RBFOX3: variants seen among roughly 807,000 people sequenced by gnomAD.
The protein encoded by RBFOX3 is RNA binding protein fox-1 homolog 3.
RBFOX3 carries 17 observed loss-of-function variants against 48.7 expected under a neutral mutation model. The observed-to-expected ratio is 0.35, with a 90% CI of 0.24 to 0.52. The LOEUF (loss-of-function observed/expected upper bound fraction) is 0.52. Ranked by LOEUF, RBFOX3 falls within the 20% of genes least tolerant of loss-of-function variation. The pLI, the probability that RBFOX3 is intolerant of heterozygous loss-of-function variation, is 0.94. For missense variants in RBFOX3, 382 were observed against 497.5 expected (o/e 0.77, Z 2.21); for synonymous variants, 212 against 209.5 (o/e 1.01, Z -0.10).
chr17:79,416,057 G>T (rs1366315279), intron 2 of RBFOX3, among the ~76,000 whole-genome samples: 1 of 152,148 alleles, frequency 6.6e-6, no homozygotes, highest in African/African-American at 2.4e-5. Context: ...TCTTCCTCTC[G>T]CCTGCACTCC....
intron 1 of RBFOX3, among the ~76,000 whole-genome samples, chr17:79,602,665 T>C (rs2093732006): frequency 7.4e-6 from 1 of 135,404 alleles, no homozygotes; most frequent in East Asian, 1.9e-4. Context: ...ACACACTTTG[T>C]TTTTTTTTTC....
chr17:79,488,119 C>A (rs2079933997), intron 1 of RBFOX3, among the ~76,000 whole-genome samples: 1 of 152,092 alleles, frequency 6.6e-6, no homozygotes, highest in Non-Finnish European at 1.5e-5. Context: ...CACTCACAGC[C>A]TCCTGTGCAG....
At chr17:79,591,618 A>T (rs2093417539) in intron 1 of RBFOX3, among the ~76,000 whole-genome samples, 1 of 152,166 alleles carries the variant, frequency 6.6e-6, no homozygotes, top group African/African-American at 2.4e-5. Flanking sequence ...CCCCTCTGGA[A>T]TTCAGCCCCA....
At chr17:79,328,976 T>A (rs1380086473) in intron 2 of RBFOX3, among the ~76,000 whole-genome samples, 1 of 151,936 alleles carries the variant, frequency 6.6e-6, no homozygotes, top group Non-Finnish European at 1.5e-5. Flanking sequence ...AATCAGCAGG[T>A]GCCCCAGGTA....
At chr17:79,169,873 T>C (rs1184972286) in intron 4 of RBFOX3, among the ~76,000 whole-genome samples, 1 of 150,660 alleles carries the variant, frequency 6.6e-6, no homozygotes. Context: ...TTACGATACG[T>C]AAAGCCCACA....
rs1016399715 is a variant in RBFOX3 at position 79,574,113 on chromosome 17, C to A, written c.-320+36713G>T. Among the ~76,000 whole-genome samples, 129 of 152,258 alleles carry A rather than the reference C, an allele frequency of 8.5e-4. 4 individuals are homozygous for A. In the South Asian group the frequency reaches 0.019, roughly 23 times the overall value. On this transcript the variant is annotated intron_variant, in intron 1 of 14. Transcript: ENST00000693108. ...TGAGGGGTTGTTTAAAAAGTCCTCA[C>A]GGAGAAGTTACAGAAGGTGGATCTT...
intron 1 of RBFOX3, among the ~76,000 whole-genome samples, chr17:79,497,993 A>G (rs939944071): frequency 1.1e-4 from 17 of 152,350 alleles, no homozygotes; most frequent in African/African-American, 3.6e-4. Context: ...CCAGAAGGTT[A>G]TGGTGGGAAC....
At chr17:79,419,007 G>A (rs1339392597) in intron 2 of RBFOX3, among the ~76,000 whole-genome samples, 2 of 152,132 alleles carry the variant, frequency 1.3e-5, no homozygotes, top group African/African-American at 4.8e-5. Flanking sequence ...TGGTGTCAAG[G>A]GACCGTATCG....
intron 2 of RBFOX3, among the ~76,000 whole-genome samples, chr17:79,401,897 A>G (rs2062858964): frequency 6.6e-6 from 1 of 152,190 alleles, no homozygotes; most frequent in Non-Finnish European, 1.5e-5. Context: ...GAGCTGTGAG[A>G]GCATAAATGC....
intron 4 of RBFOX3, among the ~76,000 whole-genome samples, chr17:79,189,983 T>C (rs1442428255): frequency 6.6e-6 from 1 of 152,208 alleles, no homozygotes; most frequent in African/African-American, 2.4e-5. Context: ...AAAACCCATA[T>C]CACTCGCTGC....
Position 79,199,781 on chromosome 17 carries a change from C to A in RBFOX3, c.-34+35985G>T, listed in dbSNP as rs1173040058. ...TTCTGAAGCACGCTGAACAAACCCACCCTGATGCTCCAGTCTGTCAGGAGA... is the reference window on the plus strand; with the variant it reads ...TTCTGAAGCACGCTGAACAAACCCAACCTGATGCTCCAGTCTGTCAGGAGA... On this transcript the variant is annotated intron_variant, in intron 4 of 14. Transcript: ENST00000693108. The surrounding 1 kb of genome is among the most constrained non-coding windows in gnomAD (Gnocchi z 5.1). 3.9e-5 allele frequency among the ~76,000 whole-genome samples: 6 copies of A among 152,302 alleles called. No homozygotes were observed. Among genetic ancestry groups the A allele is most frequent in the African/African-American group, 1.4e-4 (6 of 41,574 alleles).
intron 4 of RBFOX3, among the ~76,000 whole-genome samples, chr17:79,137,263 G>A (rs1353251874): frequency 1.4e-5 from 2 of 143,898 alleles, no homozygotes; most frequent in Non-Finnish European, 3.1e-5. Context: ...ACACAGCCCT[G>A]TTCATGCACA....
At chr17:79,389,438 T>C (rs574211295) in intron 2 of RBFOX3, among the ~76,000 whole-genome samples, 1 of 152,332 alleles carries the variant, frequency 6.6e-6, no homozygotes, top group Non-Finnish European at 1.5e-5. Flanking sequence ...TTTCAGGAAC[T>C]CTACAAGCCA....
At position 79,089,869 on chromosome 17, in the gene RBFOX3, C is replaced by G. The variant is rs1420957916; in HGVS notation, c.*1014G>C. ...AGGGGCCGGCCCAGGCTTCCCCATC[C>G]CTTGCCCTTCCCATGGGCCCCTGCT... On this transcript the variant is annotated 3_prime_UTR_variant, in exon 15 of 15. Transcript: ENST00000693108. 6.6e-6 allele frequency: 1 copy of G among 152,450 alleles called. No individual in the cohort carries two copies. Among genetic ancestry groups the G allele is most frequent in the African/African-American group, 2.4e-5 (1 of 41,444 alleles). The allele number at this position is 152,450 out of a possible 1,614,324, so 9.4% of individuals were successfully genotyped here.
intron 4 of RBFOX3, among the ~76,000 whole-genome samples, chr17:79,149,658 G>A (rs1265965586): frequency 6.6e-6 from 1 of 151,994 alleles, no homozygotes; most frequent in Non-Finnish European, 1.5e-5. Context: ...GAAGGTTGGG[G>A]GTGGCCTAGG....
intron 1 of RBFOX3, among the ~76,000 whole-genome samples, chr17:79,489,543 C>T (rs2080179290): frequency 6.6e-6 from 1 of 152,324 alleles, no homozygotes. Flanking sequence ...GATCCACCCA[C>T]CTTGGCCTCC....
intron 1 of RBFOX3, among the ~76,000 whole-genome samples, chr17:79,489,238 GT>G (rs1420367043): frequency 3.0e-5 from 1 of 33,624 alleles, no homozygotes; most frequent in Non-Finnish European, 5.8e-5. Flanking sequence ...CTGCCAGAAA[GT>G]TAAAAAAAAA....
rs566981604 is a variant in RBFOX3, at chr17:79,411,917, G to C, written c.-175+70537C>G. Among the ~76,000 whole-genome samples, 11 of 152,276 alleles carry C rather than the reference G, an allele frequency of 7.2e-5. No individual in the cohort carries two copies. The East Asian group carries it at 1.2e-3, about 16-fold the overall frequency. ...CACGTGTTGTGTATATGTATGTGTG[G>C]TGTATGCGAGTGTGTAGTATGTGTG... On this transcript the variant is annotated intron_variant, in intron 2 of 14. Transcript: ENST00000693108.
rs372777655 is a variant in RBFOX3, at chr17:79,482,219, G to A, written c.-175+235C>T. ...CCCCGCAGCCAGGCTGATGGGCTTC[G>A]AGGTACAAAGAGCGGTCACTCCTTA... On this transcript the variant is annotated intron_variant, in intron 2 of 14. Coordinates refer to ENST00000693108, the MANE Select transcript of RBFOX3 (RefSeq NM_001350451.2). The surrounding 1 kb of genome is among the most constrained non-coding windows in gnomAD (Gnocchi z 4.1). 5.0e-4 allele frequency among the ~76,000 whole-genome samples: 76 copies of A among 151,986 alleles called. 1 individual carries two copies. In the East Asian group the frequency reaches 0.013, roughly 26 times the overall value.
Sources: gnomAD v4.1 joint callset for allele counts (sites outside exome capture counted in the v4.1 genomes callset) on GRCh38, gnomAD v4.1.1 for gene constraint, Gnocchi (gnomAD v3.1) non-coding constraint, MANE v1.5 for transcripts, NCBI Gene and HGNC (gene_info 2026-07-23, HGNC 2026-07-21) for gene names.